PAPSS2: variants seen among roughly 807,000 people sequenced by gnomAD.
PAPSS2 encodes the protein bifunctional 3'-phosphoadenosine 5'-phosphosulfate synthase 2.
In PAPSS2, 61 loss-of-function variants were observed where a neutral mutation model predicts 66.5. That is an observed-to-expected ratio of 0.92 (90% CI 0.75 to 1.14). The LOEUF is 1.14. PAPSS2 is among the 50% of genes most tolerant of loss of function. PAPSS2 has a pLI of 0.00. For missense variants in PAPSS2, 708 were observed against 789.6 expected, an observed-to-expected ratio of 0.90 and a Z score of 1.24; for synonymous variants, 289 against 287.5, an observed-to-expected ratio of 1.01 and a Z score of -0.05.
At chr10:87,704,491 T>G (rs1051983944) in intron 1 of PAPSS2, among the ~76,000 whole-genome samples, 3 of 152,276 alleles carry the variant, frequency 2.0e-5, no homozygotes, top group South Asian at 4.1e-4. Flanking sequence ...TAAATTTTAG[T>G]GGATGTTCAT....
At chr10:87,678,158 G>C (rs578089234) in intron 1 of PAPSS2, among the ~76,000 whole-genome samples, 166 of 152,068 alleles carry the variant, frequency 1.1e-3, no homozygotes, top group African/African-American at 3.8e-3. Flanking sequence ...ATAGCCAACT[G>C]ATTTTCTACA....
intron 1 of PAPSS2, among the ~76,000 whole-genome samples, chr10:87,687,932 G>A (rs1008390272): frequency 1.8e-4 from 28 of 152,142 alleles, no homozygotes; most frequent in Non-Finnish European, 1.2e-4. Flanking sequence ...TAAATGATTT[G>A]ATTTAGACTG....
chr10:87,717,826 A>G (rs536135299), intron 7 of PAPSS2, among the ~76,000 whole-genome samples: 10 of 152,276 alleles, frequency 6.6e-5, no homozygotes, highest in Admixed American at 6.5e-4. Context: ...CCTTTCCTCC[A>G]GTCATCCTCC....
chr10:87,729,254 A>G (rs1480077487), intron 9 of PAPSS2, among the ~76,000 whole-genome samples: 1 of 148,600 alleles, frequency 6.7e-6, no homozygotes, highest in African/African-American at 2.5e-5. Context: ...TTTTTAACAA[A>G]TTGAAGGTTT....
rs752982930 is a variant in PAPSS2, at chr10:87,727,440, G to A, written c.1037G>A (p.Arg346His). The part of the protein sequence containing the change: ...AEFYEHRKEE[R>H]CSRVWGTTCT... Reference sequence around the variant, plus strand: ...TTCTATGAACACAGAAAAGAGGAACGCTGTTCCCGTGTTTGGGGGACAACA... The same window carrying A: ...TTCTATGAACACAGAAAAGAGGAACACTGTTCCCGTGTTTGGGGGACAACA... The change falls in exon 9 of 13, where the codon CGC (arginine) becomes CAC (histidine). Residue 346 changes from arginine (R) to histidine (H), a missense_variant. Transcript: ENST00000456849. 1.5e-5 allele frequency: 24 copies of A among 1,614,018 alleles called. No homozygotes were observed. In the East Asian group the frequency reaches 4.2e-4, roughly 28 times the overall value.
At chr10:87,664,135 C>T (rs1247597186) in intron 1 of PAPSS2, among the ~76,000 whole-genome samples, 1 of 152,118 alleles carries the variant, frequency 6.6e-6, no homozygotes, top group African/African-American at 2.4e-5. Flanking sequence ...TTGCTCTGGC[C>T]AGTCTTGAAC....
At chr10:87,737,684 G>A (rs1853817885) in intron 9 of PAPSS2, among the ~76,000 whole-genome samples, 1 of 152,098 alleles carries the variant, frequency 6.6e-6, no homozygotes, top group South Asian at 2.1e-4. Flanking sequence ...AATTAGCCAG[G>A]TGTGGTGGCA....
chr10:87,734,661 GTGTATATATA>G lies in PAPSS2; in HGVS notation c.1087-6572_1087-6563del, dbSNP rs1227227402. On this transcript the variant is annotated intron_variant, in intron 9 of 12. Coordinates refer to ENST00000456849, the MANE Select transcript of PAPSS2 (RefSeq NM_001015880.2). Reference sequence around the variant, plus strand: ...ACTGATAGCACAGAAATGAATGTGTGTGTATATATATATATATATATATATATATATATAT... The same window carrying G: ...ACTGATAGCACAGAAATGAATGTGTGTATATATATATATATATATATATAT... Among the ~76,000 whole-genome samples, 14 of 90,382 alleles carry G rather than the reference GTGTATATATA, an allele frequency of 1.5e-4. 1 individual carries two copies. The East Asian group carries it at 3.0e-3, about 20-fold the overall frequency. 59.3% of individuals were successfully genotyped at this position (90,382 alleles called of 152,430 possible). A position where few individuals can be genotyped will look rare whatever the true frequency, so the allele number is the denominator to read the frequency against.
intron 10 of PAPSS2, among the ~76,000 whole-genome samples, chr10:87,742,123 A>G (rs549916721): frequency 1.3e-5 from 2 of 152,322 alleles, no homozygotes; most frequent in Admixed American, 6.5e-5. Context: ...TATAATATGG[A>G]AACAGTTTTA....
At chr10:87,743,286 A>C (rs1477109974) in intron 10 of PAPSS2, 87 bp from the exon 11 acceptor site, 2 of 1,412,940 alleles carry the variant, frequency 1.4e-6, no homozygotes, top group Non-Finnish European at 2.0e-6. Context: ...GCACAGAACA[A>C]TAAACATAGC....
chr10:87,665,281 A>T (rs922384190), intron 1 of PAPSS2, among the ~76,000 whole-genome samples: 1 of 151,370 alleles, frequency 6.6e-6, no homozygotes, highest in Non-Finnish European at 1.5e-5. Flanking sequence ...GCGTGATCTC[A>T]GCTCACTGCA....
rs537802678 is a variant in PAPSS2, at chr10:87,726,965, G to T, written c.881-319G>T. On this transcript the variant is annotated intron_variant, in intron 8 of 12. Coordinates refer to ENST00000456849, the MANE Select transcript of PAPSS2 (RefSeq NM_001015880.2). ...TTTGGAAAATTTTAAACTCCCTACT[G>T]CATTGAGGTCAGGACTTAGATATGA... Among the ~76,000 whole-genome samples, 31 of 152,204 alleles carry T rather than the reference G, an allele frequency of 2.0e-4. No homozygotes were observed. In the East Asian group the frequency reaches 5.8e-3, roughly 28 times the overall value.
intron 1 of PAPSS2, among the ~76,000 whole-genome samples, chr10:87,694,273 A>C (rs1853205798): frequency 6.6e-6 from 1 of 152,238 alleles, no homozygotes; most frequent in African/African-American, 2.4e-5. Context: ...TTATCAGGAA[A>C]TCAAAGCTGT....
rs148929113 is a variant in PAPSS2, at chr10:87,720,512, G to C, written c.866-1244G>C. ...AATTGTAACCAATTCATGAAGGTTT[G>C]AGTCACTGCCATTGAAAATTTGAAA... On this transcript the variant is annotated intron_variant, in intron 7 of 12. Coordinates refer to ENST00000456849, the MANE Select transcript of PAPSS2 (RefSeq NM_001015880.2). Among the ~76,000 whole-genome samples, 29 of 152,310 alleles carry C rather than the reference G, an allele frequency of 1.9e-4. 1 individual carries two copies. The South Asian group carries it at 2.9e-3, about 15-fold the overall frequency.
At chr10:87,673,782 A>G (rs146822949) in intron 1 of PAPSS2, among the ~76,000 whole-genome samples, 77 of 133,700 alleles carry the variant, frequency 5.8e-4, no homozygotes, top group African/African-American at 2.2e-3. Flanking sequence ...TTTCTTGTCC[A>G]CTTCTGATTC....
At chr10:87,703,650 G>A (rs1853346417) in intron 1 of PAPSS2, 2 of 492,140 alleles carry the variant, frequency 4.1e-6, no homozygotes, top group African/African-American at 3.9e-5. Context: ...AGGTCACAGA[G>A]CAAATCAGCC....
Position 87,659,893 on chromosome 10 carries a change from T to TGCTGCTGCTGCTGCC in PAPSS2, c.-86_-72dup. 1 of 1,326,252 alleles carries TGCTGCTGCTGCTGCC rather than the reference T, an allele frequency of 7.5e-7. No individual in the cohort carries two copies. 82.2% of individuals were successfully genotyped at this position (1,326,252 alleles called of 1,614,324 possible). Reference sequence around the variant, plus strand: ...GGAGTCCGGCAGCCGCTGCTGCTGCTGCTGCTGCTGCTGCCGCCGCCGCCG... The same window carrying TGCTGCTGCTGCTGCC: ...GGAGTCCGGCAGCCGCTGCTGCTGCTGCTGCTGCTGCTGCCGCTGCTGCTGCTGCCGCCGCCGCCG... On this transcript the variant is annotated 5_prime_UTR_variant, in exon 1 of 13. Transcript: ENST00000456849.
At chr10:87,697,333 G>C (rs1316484543) in intron 1 of PAPSS2, among the ~76,000 whole-genome samples, 1 of 152,180 alleles carries the variant, frequency 6.6e-6, no homozygotes, top group Non-Finnish European at 1.5e-5. Flanking sequence ...CAGAGCAAGG[G>C]GCAACGAGGG....
chr10:87,680,072 T>G (rs1853000608), intron 1 of PAPSS2, among the ~76,000 whole-genome samples: 1 of 151,164 alleles, frequency 6.6e-6, no homozygotes, highest in Non-Finnish European at 1.5e-5. Context: ...TCCACTGTTG[T>G]AATGGTCCAC....
Sources: gnomAD v4.1 joint callset for allele counts (sites outside exome capture counted in the v4.1 genomes callset) on GRCh38, gnomAD v4.1.1 for gene constraint, MANE v1.5 for transcripts, NCBI Gene and HGNC (gene_info 2026-07-23, HGNC 2026-07-21) for gene names.